LDLRAD3: variants seen among roughly 807,000 people sequenced by gnomAD.
LDLRAD3 encodes the protein low-density lipoprotein receptor class A domain-containing protein 3.
In LDLRAD3, 20 loss-of-function variants were observed where a neutral mutation model predicts 29.4. The ratio of observed to expected loss-of-function variants is 0.68; its 90% CI spans 0.48 to 0.99. The LOEUF (loss-of-function observed/expected upper bound fraction) is 0.99, where lower values mean the gene tolerates loss of function less well. Ranked by LOEUF, LDLRAD3 falls within the 50% of genes least tolerant of loss-of-function variation. The probability of loss-of-function intolerance (pLI) is 0.00; values close to 1 mark genes in which losing one functional copy is unlikely to be tolerated. For missense variants in LDLRAD3, 420 were observed against 454.3 expected, an observed-to-expected ratio of 0.92 and a Z score of 0.69; for synonymous variants, 157 against 192.7, an observed-to-expected ratio of 0.81 and a Z score of 1.53.
chr11:36,140,497 C>A (rs563429115), intron 4 of LDLRAD3, among the ~76,000 whole-genome samples: 1 of 152,266 alleles, frequency 6.6e-6, no homozygotes, highest in South Asian at 2.1e-4. Context: ...GGCACTATCA[C>A]GGTTCACTGC....
chr11:36,032,713 G>C (rs1485886744), intron 1 of LDLRAD3, among the ~76,000 whole-genome samples: 3 of 152,112 alleles, frequency 2.0e-5, no homozygotes, highest in Non-Finnish European at 4.4e-5. Context: ...TCCCAGGGGG[G>C]CAAAATTGAT....
At chr11:35,993,272 T>C (rs1481218330) in intron 1 of LDLRAD3, among the ~76,000 whole-genome samples, 3 of 152,206 alleles carry the variant, frequency 2.0e-5, no homozygotes, top group African/African-American at 7.2e-5. Flanking sequence ...AGCCTCCTTA[T>C]AAATACCTTC....
At chr11:36,058,339 G>A (rs149696645) in intron 2 of LDLRAD3, among the ~76,000 whole-genome samples, 2 of 152,264 alleles carry the variant, frequency 1.3e-5, no homozygotes, top group East Asian at 1.9e-4. Context: ...CTTCCTTCAC[G>A]CTTCTGGTCA....
chr11:36,001,833 C>A (rs555943818), intron 1 of LDLRAD3, among the ~76,000 whole-genome samples: 3 of 150,956 alleles, frequency 2.0e-5, no homozygotes, highest in African/African-American at 4.9e-5. Context: ...TTATATACAG[C>A]GGACATTTTT....
rs1852400309 is a variant in LDLRAD3, at chr11:36,042,883, G to C, written c.193+6634G>C. On this transcript the variant is annotated intron_variant, in intron 2 of 5. Transcript: ENST00000315571. ...AGGGAATCAACCCTGCTAACACCTT[G>C]ATTTCAGACTCCTGGCCATCAGAAC... Among the ~76,000 whole-genome samples the C allele has an allele frequency of 2.0e-5, 3 of 152,290 alleles. No individual in the cohort carries two copies. In the South Asian group the frequency reaches 6.2e-4, roughly 32 times the overall value.
rs1218071812 is a variant in LDLRAD3, at chr11:36,056,044, G to A, written c.193+19795G>A. Among the ~76,000 whole-genome samples, 7 of 136,236 alleles carry A rather than the reference G, an allele frequency of 5.1e-5. No individual in the cohort carries two copies. In the East Asian group the frequency reaches 7.2e-4, roughly 14 times the overall value. The allele number at this position is 136,236 out of a possible 152,430, so 89.4% of individuals were successfully genotyped here. Reference sequence around the variant, plus strand: ...AGAGTCTTGCTCTGTCACCCAGGCCGGAGTGCAGTGGCATGATCTCAGCTC... The same window carrying A: ...AGAGTCTTGCTCTGTCACCCAGGCCAGAGTGCAGTGGCATGATCTCAGCTC... On this transcript the variant is annotated intron_variant, in intron 2 of 5. Coordinates refer to ENST00000315571, the MANE Select transcript of LDLRAD3 (RefSeq NM_174902.4).
intron 4 of LDLRAD3, among the ~76,000 whole-genome samples, chr11:36,181,806 T>C (rs1590336816): frequency 6.6e-6 from 1 of 152,156 alleles, no homozygotes. Context: ...AAAATGTAAG[T>C]GTCATTAAAT....
At chr11:35,967,866 C>T in intron 1 of LDLRAD3, 2 of 404,726 alleles carry the variant, frequency 4.9e-6, no homozygotes, top group South Asian at 3.8e-5. Flanking sequence ...TTATCTTCTG[C>T]CTGTAAGGGG....
At chr11:36,136,509 T>C (rs1310923251) in intron 4 of LDLRAD3, among the ~76,000 whole-genome samples, 2 of 152,052 alleles carry the variant, frequency 1.3e-5, no homozygotes, top group Non-Finnish European at 2.9e-5. Flanking sequence ...TGAGATATGG[T>C]TGTTTAAAAG....
In LDLRAD3 at chr11:35,972,414, T is replaced by C. The variant is rs1188181187; in HGVS notation, c.46+28270T>C. The C allele has an allele frequency of 2.0e-5, 3 of 151,868 alleles. No individual in the cohort carries two copies. In the East Asian group the frequency reaches 5.8e-4, roughly 29 times the overall value. 9.4% of individuals were successfully genotyped at this position (151,868 alleles called of 1,614,324 possible). A position where few individuals can be genotyped will look rare whatever the true frequency, so the allele number is the denominator to read the frequency against. ...AGAGAAACCACAACAGCTTAAACTTTTTTTTTTTTAATCGTTTGTTTTCAA... is the reference window on the plus strand; with the variant it reads ...AGAGAAACCACAACAGCTTAAACTTCTTTTTTTTTAATCGTTTGTTTTCAA... On this transcript the variant is annotated intron_variant, in intron 1 of 5. Transcript: ENST00000315571.
intron 1 of LDLRAD3, among the ~76,000 whole-genome samples, chr11:35,951,723 A>G (rs927395849): frequency 3.9e-5 from 6 of 152,204 alleles, no homozygotes; most frequent in Admixed American, 1.3e-4. Flanking sequence ...TTTTCATTTC[A>G]ATGCCACATT....
In LDLRAD3 at chr11:35,944,238, G is replaced by T; in HGVS notation, c.46+94G>T. 1 of 768,418 alleles carries T rather than the reference G, an allele frequency of 1.3e-6. No homozygotes were observed. The highest frequency in any genetic ancestry group is 1.6e-6 in the Non-Finnish European group (1 of 630,984). The allele number at this position is 768,418 out of a possible 1,614,324, so 47.6% of individuals were successfully genotyped here. A position where few individuals can be genotyped will look rare whatever the true frequency, so the allele number is the denominator to read the frequency against. Reference sequence around the variant, plus strand: ...GGTGCGATCGCGTCCTCTCCCGGGCGCGGGCCGCTCTCCGGGCGTGGGTGA... The same window carrying T: ...GGTGCGATCGCGTCCTCTCCCGGGCTCGGGCCGCTCTCCGGGCGTGGGTGA... On this transcript the variant is annotated intron_variant, in intron 1 of 5. Coordinates refer to ENST00000315571, the MANE Select transcript of LDLRAD3 (RefSeq NM_174902.4). This position sits in a 1 kb window ranked among gnomAD's most constrained non-coding sequence, Gnocchi z 4.9.
At chr11:36,028,970 C>T (rs1027525530) in intron 1 of LDLRAD3, among the ~76,000 whole-genome samples, 15 of 152,248 alleles carry the variant, frequency 9.9e-5, no homozygotes, top group Admixed American at 7.8e-4. Context: ...AAGGGCCGGG[C>T]GCAGTGGCTC....
chr11:36,075,825 C>G (rs1852990369), intron 2 of LDLRAD3, among the ~76,000 whole-genome samples: 1 of 152,180 alleles, frequency 6.6e-6, no homozygotes, highest in Non-Finnish European at 1.5e-5. Flanking sequence ...ATTTTATTCT[C>G]TGTGTCATAA....
intron 1 of LDLRAD3, chr11:35,997,282 G>T: frequency 2.7e-6 from 1 of 375,416 alleles, no homozygotes; most frequent in South Asian, 2.4e-5. Context: ...CAGTTCCCAG[G>T]ATCTCTTTAG....
At chr11:36,063,792 A>G (rs1226797988) in intron 2 of LDLRAD3, among the ~76,000 whole-genome samples, 1 of 152,228 alleles carries the variant, frequency 6.6e-6, no homozygotes, top group East Asian at 1.9e-4. Flanking sequence ...GCCAATAACC[A>G]CAGTGTCTTA....
chr11:35,987,739 T>G, intron 1 of LDLRAD3, among the ~76,000 whole-genome samples: 1 of 152,210 alleles, frequency 6.6e-6, no homozygotes, highest in East Asian at 1.9e-4. Context: ...TGCATGTGTC[T>G]TTTTGGTGGA....
intron 4 of LDLRAD3, among the ~76,000 whole-genome samples, chr11:36,141,195 G>A (rs1352128618): frequency 6.6e-6 from 1 of 152,150 alleles, no homozygotes; most frequent in African/African-American, 2.4e-5. Context: ...GCAATGCAAA[G>A]GCAGGATAAT....
At chr11:36,122,014 T>C (rs1853766515) in intron 4 of LDLRAD3, among the ~76,000 whole-genome samples, 2 of 152,200 alleles carry the variant, frequency 1.3e-5, no homozygotes, top group South Asian at 2.1e-4. Context: ...GAGGGGAAAG[T>C]GAGGTTAAGG....
Sources: gnomAD v4.1 joint callset for allele counts (sites outside exome capture counted in the v4.1 genomes callset) on GRCh38, gnomAD v4.1.1 for gene constraint, Gnocchi (gnomAD v3.1) non-coding constraint, MANE v1.5 for transcripts, NCBI Gene and HGNC (gene_info 2026-07-23, HGNC 2026-07-21) for gene names.